KIAA0232: variants seen among roughly 807,000 people sequenced by gnomAD.
KIAA0232 encodes the protein KIAA0232.
A neutral mutation model predicts 122.0 loss-of-function variants in KIAA0232; 27 were observed. That is an observed-to-expected ratio of 0.22 (90% CI 0.16 to 0.31). The LOEUF (loss-of-function observed/expected upper bound fraction) is 0.31, where lower values mean the gene tolerates loss of function less well. Among genes scored for constraint, KIAA0232 ranks in the 10% least tolerant of loss-of-function variants. The probability of loss-of-function intolerance (pLI) is 1.00; values close to 1 mark genes in which losing one functional copy is unlikely to be tolerated. For synonymous variants in KIAA0232, 613 were observed against 587.6 expected (o/e 1.04, Z -0.63); for missense variants, 1,551 against 1,634.2 (o/e 0.95, Z 0.88).
chr4:6,836,546 C>CTTTTTTT (rs1173281370), intron 3 of KIAA0232, among the ~76,000 whole-genome samples: 1 of 82,084 alleles, frequency 1.2e-5, no homozygotes, highest in South Asian at 4.0e-4. Flanking sequence ...TTTTTCTTTT[C>CTTTTTTT]TTTTTTTTTT....
At chr4:6,832,325 CATATGTA>C (rs926478575) in intron 3 of KIAA0232, among the ~76,000 whole-genome samples, 11 of 148,980 alleles carry the variant, frequency 7.4e-5, no homozygotes, top group African/African-American at 2.2e-4. Context: ...CCCCTACTGG[CATATGTA>C]ATTCATGAAG....
At chr4:6,810,557 A>G (rs1341893817) in intron 2 of KIAA0232, among the ~76,000 whole-genome samples, 4 of 152,234 alleles carry the variant, frequency 2.6e-5, no homozygotes, top group Admixed American at 6.5e-5. Context: ...AACACAGGCA[A>G]CTAAAACAGA....
chr4:6,813,935 T>C (rs965077678), intron 2 of KIAA0232, among the ~76,000 whole-genome samples: 5 of 152,072 alleles, frequency 3.3e-5, no homozygotes, highest in African/African-American at 9.7e-5. Flanking sequence ...ACACTGTCAC[T>C]GCCGGGCAGC....
intron 3 of KIAA0232, among the ~76,000 whole-genome samples, chr4:6,831,197 A>T (rs1416482678): frequency 6.6e-6 from 1 of 152,104 alleles, no homozygotes; most frequent in East Asian, 1.9e-4. Context: ...CTGGGATTAC[A>T]GGTGCGCGCC....
At chr4:6,794,502 C>T (rs908392266) in intron 1 of KIAA0232, among the ~76,000 whole-genome samples, 1 of 152,090 alleles carries the variant, frequency 6.6e-6, no homozygotes, top group African/African-American at 2.4e-5. Context: ...TACAAATAAG[C>T]AAGTAGATGC....
chr4:6,863,444 T>C lies in KIAA0232; in HGVS notation c.3062T>C (p.Leu1021Ser), dbSNP rs756386925. The C allele has an allele frequency of 3.7e-6, 6 of 1,614,172 alleles. No homozygotes were observed. Among genetic ancestry groups the C allele is most frequent in the Non-Finnish European group, 5.1e-6 (6 of 1,180,026 alleles). The change falls in exon 7 of 10, where the codon TTA becomes TCA. Residue 1021 changes from leucine (L) to serine (S), a missense_variant. Transcript: ENST00000307659. ...TTTTCTTTTATCTTCCATGAAGACT[T>C]ACTAGGAGCTTGTGGCAACTTTCAA... ...KGFSFIFHED[L>S]LGACGNFQVE...
chr4:6,788,125 A>G (rs1716714678), intron 1 of KIAA0232, among the ~76,000 whole-genome samples: 1 of 151,802 alleles, frequency 6.6e-6, no homozygotes, highest in Non-Finnish European at 1.5e-5. Context: ...TGCAACTTCC[A>G]CCTCCCTTCC....
intron 5 of KIAA0232, 98 bp downstream of exon 5, chr4:6,857,328 C>A: frequency 9.5e-7 from 1 of 1,051,618 alleles, no homozygotes; most frequent in Non-Finnish European, 1.4e-6. Flanking sequence ...AGAAAACAAC[C>A]AGAACAAAGT....
intron 1 of KIAA0232, among the ~76,000 whole-genome samples, chr4:6,789,950 G>A (rs1370419511): frequency 1.3e-5 from 2 of 151,954 alleles, no homozygotes; most frequent in Non-Finnish European, 2.9e-5. Flanking sequence ...GATCGCTTGA[G>A]CCCAGGAGAT....
intron 4 of KIAA0232, among the ~76,000 whole-genome samples, chr4:6,849,467 T>C (rs950047405): frequency 1.3e-5 from 2 of 152,102 alleles, no homozygotes; most frequent in Non-Finnish European, 2.9e-5. Context: ...AATATAAAAA[T>C]TAACCGGACG....
In KIAA0232 at chr4:6,862,750, T is replaced by A. The variant is rs200844434; in HGVS notation, c.2368T>A (p.Ser790Thr). The A allele has an allele frequency of 8.7e-6, 14 of 1,612,878 alleles. No homozygotes were observed. The highest frequency in any genetic ancestry group is 1.1e-5 in the Non-Finnish European group (13 of 1,179,744). The stretch of plus-strand genomic sequence containing the variant: ...TTTCAAAAAAACATCTAAACTAGAA[T>A]CCGTCTGTGGTATTCAGCTAGAACA... ...LVFKKTSKLE[S>T]VCGIQLEQKT... Residue 790 changes from serine (S) to threonine (T), a missense_variant, in exon 7 of 10, where the codon TCC (serine) becomes ACC (threonine). Physicochemically the swap from Ser to Thr is moderately conservative, Grantham distance 58 (BLOSUM62 1). Transcript: ENST00000307659.
At chr4:6,836,222 A>T (rs1167580132) in intron 3 of KIAA0232, among the ~76,000 whole-genome samples, 3 of 152,112 alleles carry the variant, frequency 2.0e-5, no homozygotes, top group Admixed American at 2.0e-4. Context: ...ATGACCAGTG[A>T]TGATGAGCAT....
chr4:6,862,784 A>C lies in KIAA0232; in HGVS notation c.2402A>C (p.Glu801Ala). The C allele has an allele frequency of 6.2e-7, 1 of 1,614,144 alleles. No individual in the cohort carries two copies. Among genetic ancestry groups the C allele is most frequent in the Non-Finnish European group, 8.5e-7 (1 of 1,180,018 alleles). The change falls in exon 7 of 10, where the codon GAA becomes GCA. Residue 801 changes from glutamate (E) to alanine (A), a missense_variant. Coordinates refer to ENST00000307659, the MANE Select transcript of KIAA0232 (RefSeq NM_014743.3). ...GGTATTCAGCTAGAACAAAAAACAGAAAACAAAAATTTTGAAACTACACAA... is the reference window on the plus strand; with the variant it reads ...GGTATTCAGCTAGAACAAAAAACAGCAAACAAAAATTTTGAAACTACACAA... ...VCGIQLEQKT[E>A]NKNFETTQVC...
At chr4:6,804,464 C>T (rs2108939987) in intron 1 of KIAA0232, 59 bp from the exon 2 acceptor site, 1 of 152,326 alleles carries the variant, frequency 6.6e-6, no homozygotes, top group East Asian at 1.9e-4. Flanking sequence ...AACCTAAGAT[C>T]ATTTTAATGA....
At chr4:6,812,121 T>C (rs1466006769) in intron 2 of KIAA0232, among the ~76,000 whole-genome samples, 2 of 152,188 alleles carry the variant, frequency 1.3e-5, no homozygotes, top group African/African-American at 2.4e-5. Context: ...TTCCAGGTAG[T>C]GTCTTGGACA....
chr4:6,869,808 G>A (rs1721375634), intron 7 of KIAA0232, among the ~76,000 whole-genome samples: 2 of 152,166 alleles, frequency 1.3e-5, no homozygotes, highest in Admixed American at 1.3e-4. Context: ...TAAGTTAAAA[G>A]CATAACAAAA....
intron 2 of KIAA0232, among the ~76,000 whole-genome samples, chr4:6,814,078 A>G (rs1718002676): frequency 2.6e-5 from 4 of 152,182 alleles, no homozygotes. Flanking sequence ...TACTAGGTGT[A>G]CAACTGCAAG....
rs1298184286 is a variant in KIAA0232, at chr4:6,882,643, TGTGTGCGCGC to T, written c.*1681_*1690del. 4 of 152,440 alleles carry T rather than the reference TGTGTGCGCGC, an allele frequency of 2.6e-5. No homozygotes were observed. The highest frequency in any genetic ancestry group is 5.9e-5 in the Non-Finnish European group (4 of 68,020). 9.4% of individuals were successfully genotyped at this position (152,440 alleles called of 1,614,324 possible). The stretch of plus-strand genomic sequence containing the variant: ...GTGGGTGGGTGTGTGTGTGTGTGTG[TGTGTGCGCGC>T]GTGCGCGCGCGCATGTGTAAGGTTT... On this transcript the variant is annotated 3_prime_UTR_variant, in exon 10 of 10. Coordinates refer to ENST00000307659, the MANE Select transcript of KIAA0232 (RefSeq NM_014743.3).
chr4:6,861,340 C>T lies in KIAA0232; in HGVS notation c.958C>T (p.Arg320Ter), dbSNP rs766157997. 1.2e-6 allele frequency: 2 copies of T among 1,613,958 alleles called. No individual in the cohort carries two copies. Among genetic ancestry groups the T allele is most frequent in the Non-Finnish European group, 1.7e-6 (2 of 1,179,994 alleles). The change falls in exon 7 of 10, where the codon CGA (arginine) becomes TGA (stop). Residue 320 changes from arginine to a stop codon, truncating the protein, a stop_gained. Coordinates refer to ENST00000307659, the MANE Select transcript of KIAA0232 (RefSeq NM_014743.3). LOFTEE classifies it high-confidence loss of function. Reference sequence around the variant, plus strand: ...GTATGTTAAAGTAAGACACAAGGCACGAGAGATTCGAAACAAAAAAGGGCG... The same window carrying T: ...GTATGTTAAAGTAAGACACAAGGCATGAGAGATTCGAAACAAAAAAGGGCG... ...MKYVKVRHKA[R>*]EIRNKKGRNG...
Sources: gnomAD v4.1 joint callset for allele counts (sites outside exome capture counted in the v4.1 genomes callset) on GRCh38, gnomAD v4.1.1 for gene constraint, MANE v1.5 for transcripts, NCBI Gene and HGNC (gene_info 2026-07-23, HGNC 2026-07-21) for gene names.